Variants in PEX11G observed in about 807,000 individuals in gnomAD.
PEX11G encodes the protein peroxisomal membrane protein 11C.
A neutral mutation model predicts 22.5 loss-of-function variants in PEX11G; 20 were observed. The ratio of observed to expected loss-of-function variants is 0.89; its 90% CI spans 0.62 to 1.29. The LOEUF is 1.29. Among genes scored for constraint, PEX11G ranks in the 50% most tolerant of loss-of-function variants. The pLI, the probability that PEX11G is intolerant of heterozygous loss-of-function variation, is 0.00. For synonymous variants in PEX11G, 141 were observed against 154.5 expected (o/e 0.91, Z 0.65); for missense variants, 347 against 331.3 (o/e 1.05, Z -0.37).
At chr19:7,477,940 TGAGCC>T (rs1311889940) in intron 4 of PEX11G, among the ~76,000 whole-genome samples, 1 of 152,248 alleles carries the variant, frequency 6.6e-6, no homozygotes, top group Non-Finnish European at 1.5e-5. Context: ...GAGGATCAGT[TGAGCC>T]CAGGAGGCAG....
intron 3 of PEX11G, among the ~76,000 whole-genome samples, chr19:7,481,694 C>G (rs1482551393): frequency 1.3e-5 from 2 of 152,154 alleles, no homozygotes; most frequent in Admixed American, 6.5e-5. Flanking sequence ...CCTCCAGAAG[C>G]TGGAAAATCC....
upstream of PEX11G, chr19:7,493,025 T>A (rs1419078751): frequency 6.6e-6 from 1 of 152,270 alleles, no homozygotes; most frequent in African/African-American, 2.4e-5. Flanking sequence ...TGACCTGTCT[T>A]GTTCATGGCT....
At chr19:7,489,100 C>T (rs947695123), upstream of PEX11G, 14 of 1,355,006 alleles carry the variant, frequency 1.0e-5, no homozygotes, top group East Asian at 3.0e-5. Context: ...AAGGCTTGCG[C>T]GCAGGCGCGG....
intron 2 of PEX11G, 127 bp from the exon 3 acceptor site, chr19:7,482,338 C>A (rs1248046153): frequency 8.9e-7 from 1 of 1,122,944 alleles, no homozygotes; most frequent in Non-Finnish European, 1.2e-6. Flanking sequence ...CCAGGCCTGG[C>A]AGGCCCCGCG....
upstream of PEX11G, among the ~76,000 whole-genome samples, chr19:7,493,521 T>C (rs2021926036): frequency 6.6e-6 from 1 of 151,618 alleles, no homozygotes; most frequent in Non-Finnish European, 1.5e-5. Flanking sequence ...TTGTTTGTTT[T>C]TGAGACAGGG....
At chr19:7,478,553 T>G (rs1379907123) in intron 3 of PEX11G, among the ~76,000 whole-genome samples, 177 bp from the exon 4 acceptor site, 1 of 152,200 alleles carries the variant, frequency 6.6e-6, no homozygotes, top group East Asian at 1.9e-4. Context: ...TCCCGGGGAC[T>G]CATCTCTAAC....
chr19:7,489,651 T>TGCCC (rs1568384999), upstream of PEX11G: 1 of 241,874 alleles, frequency 4.1e-6, no homozygotes, highest in African/African-American at 2.3e-5. Flanking sequence ...GACCAGCATA[T>TGCCC]GCCCCTCTGA....
intron 3 of PEX11G, among the ~76,000 whole-genome samples, chr19:7,479,794 T>G (rs1408673769): frequency 6.6e-6 from 1 of 152,224 alleles, no homozygotes; most frequent in East Asian, 1.9e-4. Flanking sequence ...AAACCTAGCG[T>G]GAACCCTAAC....
chr19:7,488,973 G>A lies in PEX11G; in HGVS notation c.38C>T (p.Ser13Leu), dbSNP rs200516760. Residue 13 changes from serine to leucine, a missense_variant, in exon 1 of 5, where the codon TCG becomes TTG. Physicochemically the swap from Ser to Leu is moderately radical, Grantham distance 145. Coordinates refer to ENST00000221480, the MANE Select transcript of PEX11G (RefSeq NM_080662.4). ...CACCAGGCGGTCCCGGCCCCTGTAC[G>A]ACTCCAGCGCCGACGCCAGGCCGCT... ...SLSGLASALESYRGRDRLIRV... is the reference protein window; with the variant it reads ...SLSGLASALELYRGRDRLIRV... The A allele has an allele frequency of 1.7e-5, 26 of 1,554,574 alleles. No homozygotes were observed. In the African/African-American group the frequency reaches 1.8e-4, roughly 11 times the overall value.
intron 2 of PEX11G, among the ~76,000 whole-genome samples, chr19:7,482,422 C>T (rs1465349183): frequency 6.6e-6 from 1 of 152,200 alleles, no homozygotes; most frequent in African/African-American, 2.4e-5. Flanking sequence ...GCTCAGTGCC[C>T]CTTGGAGGGA....
chr19:7,488,921 A>G, intron 1 of PEX11G, 30 bp downstream of exon 1: 1 of 1,546,034 alleles, frequency 6.5e-7, no homozygotes, highest in Non-Finnish European at 8.7e-7. Flanking sequence ...AAACTCTAGG[A>G]CCTCCGGCCC....
intron 1 of PEX11G, among the ~76,000 whole-genome samples, chr19:7,488,597 C>T (rs746162871): frequency 6.6e-6 from 1 of 152,076 alleles, no homozygotes; most frequent in Non-Finnish European, 1.5e-5. Flanking sequence ...GCCAGGAGAT[C>T]GAGACCATCC....
At chr19:7,478,817 T>C (rs1352842856) in intron 3 of PEX11G, among the ~76,000 whole-genome samples, 1 of 152,176 alleles carries the variant, frequency 6.6e-6, no homozygotes, top group Non-Finnish European at 1.5e-5. Context: ...ATCAGTGCCA[T>C]GCCAGCACCC....
At chr19:7,493,893 C>G (rs1205893221), upstream of PEX11G, among the ~76,000 whole-genome samples, 1 of 149,312 alleles carries the variant, frequency 6.7e-6, no homozygotes, top group Non-Finnish European at 1.5e-5. Context: ...CCCTCTCCCC[C>G]AGTGGGGGGG....
chr19:7,488,916 C>G (rs1249740502), intron 1 of PEX11G, 35 bp downstream of exon 1: 1 of 1,546,126 alleles, frequency 6.5e-7, no homozygotes, highest in Non-Finnish European at 8.7e-7. Flanking sequence ...GGGCCAAACT[C>G]TAGGACCTCC....
chr19:7,493,781 G>A (rs1419006133), upstream of PEX11G, among the ~76,000 whole-genome samples: 1 of 151,624 alleles, frequency 6.6e-6, no homozygotes, highest in African/African-American at 2.4e-5. Context: ...CAAGGCAGGT[G>A]GATCACTTGA....
chr19:7,492,248 C>T (rs965010917), upstream of PEX11G, among the ~76,000 whole-genome samples: 8 of 152,140 alleles, frequency 5.3e-5, no homozygotes, highest in African/African-American at 1.9e-4. Context: ...AGTAATTGCC[C>T]AACTGTTTCC....
chr19:7,478,605 G>A (rs978615857), intron 3 of PEX11G, among the ~76,000 whole-genome samples: 6 of 152,036 alleles, frequency 3.9e-5, no homozygotes, highest in Admixed American at 1.3e-4. Flanking sequence ...CACTTCTGAC[G>A]TGGCCATCCA....
upstream of PEX11G, among the ~76,000 whole-genome samples, chr19:7,491,410 C>T (rs559070865): frequency 2.0e-5 from 3 of 151,810 alleles, no homozygotes; most frequent in Admixed American, 1.3e-4. Context: ...GCTGAGAGTA[C>T]AGGTGCGCAC....
Sources: gnomAD v4.1 joint callset for allele counts (sites outside exome capture counted in the v4.1 genomes callset) on GRCh38, gnomAD v4.1.1 for gene constraint, MANE v1.5 for transcripts, NCBI Gene and HGNC (gene_info 2026-07-23, HGNC 2026-07-21) for gene names.